The following PRRX1 variants were observed in gnomAD, a reference collection of about 807,000 sequenced individuals.
PRRX1 encodes the protein paired mesoderm homeobox protein 1.
A neutral mutation model predicts 24.0 loss-of-function variants in PRRX1; 8 were observed. That is an observed-to-expected ratio of 0.33 (90% CI 0.20 to 0.60). The LOEUF (loss-of-function observed/expected upper bound fraction) is 0.60, where lower values mean the gene tolerates loss of function less well. PRRX1 is among the 20% of genes least tolerant of loss of function. PRRX1 has a pLI of 0.82. For synonymous variants in PRRX1, 160 were observed against 131.7 expected (o/e 1.22, Z -1.47); for missense variants, 281 against 322.4 (o/e 0.87, Z 0.98).
intron 1 of PRRX1, among the ~76,000 whole-genome samples, chr1:170,702,506 G>A (rs926871434): frequency 6.6e-6 from 1 of 152,104 alleles, no homozygotes; most frequent in East Asian, 1.9e-4. Context: ...GGGTGTGTGT[G>A]CAGGCAAAGC....
chr1:170,686,179 CAAAA>C (rs397754426), intron 1 of PRRX1, among the ~76,000 whole-genome samples: 2 of 105,246 alleles, frequency 1.9e-5, no homozygotes, highest in African/African-American at 6.9e-5. Flanking sequence ...GTTAAGGGTA[CAAAA>C]AAAAAAAAAA....
rs766353805 is a variant in PRRX1, at chr1:170,664,317, C to G, written c.99C>G (p.Asn33Lys). The change falls in exon 1 of 4, where the codon AAC becomes AAG. Residue 33 changes from asparagine (N) to lysine (K), a missense_variant. Asn to Lys is a moderately conservative substitution (Grantham distance 94). Transcript: ENST00000239461. ...TCGACACCCTGCAGGCGAAAAAGAACTTCTCCGTCAGTCACCTGCTAGACC... is the reference window on the plus strand; with the variant it reads ...TCGACACCCTGCAGGCGAAAAAGAAGTTCTCCGTCAGTCACCTGCTAGACC... ...GNLDTLQAKK[N>K]FSVSHLLDLE... The G allele has an allele frequency of 1.2e-6, 2 of 1,613,930 alleles. No individual in the cohort carries two copies. The highest frequency in any genetic ancestry group is 2.2e-5 in the South Asian group (2 of 91,022).
intron 1 of PRRX1, among the ~76,000 whole-genome samples, chr1:170,692,741 T>TCTCACACA (rs372525166): frequency 1.4e-4 from 19 of 139,508 alleles, no homozygotes; most frequent in African/African-American, 3.1e-4. Flanking sequence ...TCTCTCTCTC[T>TCTCACACA]CACACACACA....
chr1:170,709,150 G>T (rs1049675617), intron 1 of PRRX1, among the ~76,000 whole-genome samples: 3 of 152,198 alleles, frequency 2.0e-5, no homozygotes, highest in African/African-American at 7.2e-5. Context: ...TGTCATAAGT[G>T]TTATAAAGCA....
rs769345727 is a variant in PRRX1 at position 170,680,992 on chromosome 1, C to A, written c.241+16533C>A. On this transcript the variant is annotated intron_variant, in intron 1 of 3. Transcript: ENST00000239461. The stretch of plus-strand genomic sequence containing the variant: ...AGTTTTTAGGTGAGCGAGGAGACTT[C>A]GGATTTGTCTCCATATTTATTTGTG... Among the ~76,000 whole-genome samples, 3 of 152,086 alleles carry A rather than the reference C, an allele frequency of 2.0e-5. No homozygotes were observed. The South Asian group carries it at 6.2e-4, about 32-fold the overall frequency.
intron 1 of PRRX1, among the ~76,000 whole-genome samples, chr1:170,709,915 G>C (rs748200622): frequency 1.5e-4 from 23 of 152,192 alleles, no homozygotes; most frequent in Non-Finnish European, 3.2e-4. Flanking sequence ...AATGAAGTAT[G>C]TAGCTATTCT....
chr1:170,682,790 T>G (rs1653599555), intron 1 of PRRX1, among the ~76,000 whole-genome samples: 1 of 152,214 alleles, frequency 6.6e-6, no homozygotes, highest in South Asian at 2.1e-4. Flanking sequence ...CCTAGATAAG[T>G]AATTCAATTG....
chr1:170,697,969 C>T (rs1413777593), intron 1 of PRRX1, among the ~76,000 whole-genome samples: 5 of 151,458 alleles, frequency 3.3e-5, no homozygotes, highest in African/African-American at 4.8e-5. Context: ...ATTCCACCTC[C>T]CCATCATCAT....
intron 2 of PRRX1, 130 bp from the exon 3 acceptor site, chr1:170,726,090 A>G (rs1054362105): frequency 1.1e-6 from 1 of 904,768 alleles, no homozygotes; most frequent in Admixed American, 2.1e-5. Flanking sequence ...GGAGAATTCC[A>G]TAGCCATCTT....
At chr1:170,675,496 AAAG>A (rs1653289633) in intron 1 of PRRX1, among the ~76,000 whole-genome samples, 1 of 152,234 alleles carries the variant, frequency 6.6e-6, no homozygotes, top group African/African-American at 2.4e-5. Context: ...TTTTTGAAAG[AAAG>A]AAGGAGGAAA....
At chr1:170,722,974 G>A (rs1165977231) in intron 2 of PRRX1, among the ~76,000 whole-genome samples, 1 of 152,208 alleles carries the variant, frequency 6.6e-6, no homozygotes, top group Non-Finnish European at 1.5e-5. Context: ...CAGTGTATGA[G>A]GTTAGAGTGA....
chr1:170,730,374 T>A (rs769491060), intron 3 of PRRX1: 1 of 1,573,168 alleles, frequency 6.4e-7, no homozygotes, highest in South Asian at 1.1e-5. Flanking sequence ...GGGAAGAGGG[T>A]GGCTGCTTGG....
chr1:170,725,974 T>C (rs951686723), intron 2 of PRRX1, among the ~76,000 whole-genome samples: 1 of 152,182 alleles, frequency 6.6e-6, no homozygotes, highest in Non-Finnish European at 1.5e-5. Context: ...ATCCCATATC[T>C]GGAGACCTGA....
intron 2 of PRRX1, among the ~76,000 whole-genome samples, chr1:170,725,847 T>G (rs1208894764): frequency 6.6e-6 from 1 of 152,236 alleles, no homozygotes; most frequent in Non-Finnish European, 1.5e-5. Flanking sequence ...GAAAAAGCTT[T>G]TAGAAAAGTC....
rs75346403 is a variant in PRRX1 at position 170,690,167 on chromosome 1, C to T, written c.241+25708C>T. 7.7e-3 allele frequency among the ~76,000 whole-genome samples: 1,167 copies of T among 151,904 alleles called. 15 individuals carry two copies. Among genetic ancestry groups the T allele is most frequent in the African/African-American group, 0.027 (1,106 of 41,394 alleles). On this transcript the variant is annotated intron_variant, in intron 1 of 3. Transcript: ENST00000239461. ...CATTTACTGAGCACCTATAATGTCC[C>T]ACGCACTGTAATAAGTATTAGAAAT... is the stretch of plus-strand genomic sequence containing the variant.
At chr1:170,680,404 T>A (rs1653470198) in intron 1 of PRRX1, among the ~76,000 whole-genome samples, 2 of 152,176 alleles carry the variant, frequency 1.3e-5, no homozygotes, top group African/African-American at 2.4e-5. Context: ...TGGACCCACG[T>A]CTGTAGTAGA....
intron 1 of PRRX1, among the ~76,000 whole-genome samples, chr1:170,717,190 G>T (rs1400169183): frequency 1.3e-5 from 2 of 152,164 alleles, no homozygotes; most frequent in Admixed American, 6.5e-5. Context: ...GGAAACTTTT[G>T]CTGGAATTGC....
intron 1 of PRRX1, among the ~76,000 whole-genome samples, chr1:170,700,902 G>A (rs948009895): frequency 1.3e-5 from 2 of 152,112 alleles, no homozygotes; most frequent in African/African-American, 4.8e-5. Flanking sequence ...AGACAACATA[G>A]GGAAATCATG....
At chr1:170,729,271 T>C (rs1028273654) in intron 3 of PRRX1, among the ~76,000 whole-genome samples, 2 of 152,200 alleles carry the variant, frequency 1.3e-5, no homozygotes, top group East Asian at 3.8e-4. Flanking sequence ...CTCAGATCAG[T>C]GAGGCATGCC....
Sources: allele counts gnomAD v4.1 joint callset (sites outside exome capture counted in the v4.1 genomes callset), GRCh38; gene constraint gnomAD v4.1.1; transcripts MANE v1.5; gene names NCBI Gene and HGNC (gene_info 2026-07-23, HGNC 2026-07-21).